The following ESRRG variants were observed in gnomAD, a reference collection of about 807,000 sequenced individuals.
ESRRG encodes the protein estrogen-related receptor gamma.
A neutral mutation model predicts 44.0 loss-of-function variants in ESRRG; 13 were observed. The observed-to-expected ratio is 0.30, with a 90% CI of 0.19 to 0.47. ESRRG has a LOEUF of 0.47. ESRRG is among the 20% of genes least tolerant of loss of function. The pLI is 1.00. For synonymous variants in ESRRG, 215 were observed against 214.6 expected (o/e 1.00, Z -0.02); for missense variants, 395 against 580.6 (o/e 0.68, Z 3.29).
At chr1:216,915,769 G>A (rs956124852) in intron 2 of ESRRG, among the ~76,000 whole-genome samples, 7 of 152,200 alleles carry the variant, frequency 4.6e-5, no homozygotes, top group Non-Finnish European at 1.0e-4. Context: ...ACCCAGGAAT[G>A]TCTATTTCGG....
chr1:216,974,533 T>C (rs2576208), intron 1 of ESRRG, among the ~76,000 whole-genome samples: 35,343 of 152,042 alleles, frequency 0.23, 4,542 homozygotes, highest in East Asian at 0.44. Flanking sequence ...AAACCACATA[T>C]ACATTAGCCT....
intron 2 of ESRRG, among the ~76,000 whole-genome samples, chr1:216,926,412 GA>G (rs35546963): frequency 0.35 from 45,154 of 127,726 alleles, 6,975 homozygotes; most frequent in East Asian, 0.45. Context: ...TAACACCTAT[GA>G]AAAAAAAAAA....
At chr1:216,840,482 G>C (rs2095635051) in intron 2 of ESRRG, among the ~76,000 whole-genome samples, 1 of 151,278 alleles carries the variant, frequency 6.6e-6, no homozygotes. Flanking sequence ...CTTATCATTG[G>C]TGTGTCCACT....
At chr1:216,995,546 C>T (rs147505394) in intron 1 of ESRRG, among the ~76,000 whole-genome samples, 14 of 152,270 alleles carry the variant, frequency 9.2e-5, no homozygotes, top group African/African-American at 3.4e-4. Context: ...CACTTTCTAC[C>T]GCTTCCCTAG....
At chr1:216,660,741 G>T (rs899964752) in intron 2 of ESRRG, among the ~76,000 whole-genome samples, 1 of 152,138 alleles carries the variant, frequency 6.6e-6, no homozygotes, top group Admixed American at 6.5e-5. Context: ...GCTGTTGTCA[G>T]ACTTATGGTG....
chr1:217,026,888 T>TACACACACACACAC (rs71163785), intron 1 of ESRRG, among the ~76,000 whole-genome samples: 2 of 105,328 alleles, frequency 1.9e-5, no homozygotes, highest in Non-Finnish European at 3.8e-5. Flanking sequence ...CACACACACA[T>TACACACACACACAC]ACACACACAC....
intron 1 of ESRRG, among the ~76,000 whole-genome samples, chr1:217,109,927 AG>A (rs1215133010): frequency 6.6e-6 from 1 of 152,162 alleles, no homozygotes; most frequent in African/African-American, 2.4e-5. Context: ...ATATCCTTAA[AG>A]GGTCTTTAAG....
chr1:216,606,895 G>A (rs1303166404), intron 3 of ESRRG, among the ~76,000 whole-genome samples: 2 of 152,106 alleles, frequency 1.3e-5, no homozygotes, highest in Admixed American at 6.6e-5. Context: ...CTACATAACT[G>A]CACAGCACCA....
At chr1:217,112,010 C>T (rs2092667114) in intron 1 of ESRRG, among the ~76,000 whole-genome samples, 1 of 152,128 alleles carries the variant, frequency 6.6e-6, no homozygotes, top group Admixed American at 6.5e-5. Flanking sequence ...TGGAGGTACT[C>T]AGGTTGATAG....
At chr1:217,052,293 G>A (rs2086201670) in intron 1 of ESRRG, among the ~76,000 whole-genome samples, 1 of 152,180 alleles carries the variant, frequency 6.6e-6, no homozygotes, top group Non-Finnish European at 1.5e-5. Flanking sequence ...AATGAACTGA[G>A]ATGATTCAAA....
At chr1:216,626,679 C>T (rs916359732) in intron 3 of ESRRG, among the ~76,000 whole-genome samples, 2 of 152,220 alleles carry the variant, frequency 1.3e-5, no homozygotes, top group African/African-American at 4.8e-5. Flanking sequence ...TACTACCTCC[C>T]CACTCTGTTC....
intron 2 of ESRRG, among the ~76,000 whole-genome samples, chr1:216,901,439 C>A (rs1011716975): frequency 2.6e-5 from 4 of 151,980 alleles, no homozygotes; most frequent in Non-Finnish European, 4.4e-5. Flanking sequence ...GTGATCACAC[C>A]TCATTGCAGC....
At position 217,062,207 on chromosome 1, in the gene ESRRG, C is replaced by T. The variant is rs538748688; in HGVS notation, c.-106+27300G>A. Among the ~76,000 whole-genome samples the T allele has an allele frequency of 3.9e-5, 6 of 152,176 alleles. No homozygotes were observed. In the South Asian group the frequency reaches 6.2e-4, roughly 16 times the overall value. ...ATTTGTATTAATATTTGGAATGTCACGCAGGATGCCGCAGCTGGTTTTGCA... is the reference window on the plus strand; with the variant it reads ...ATTTGTATTAATATTTGGAATGTCATGCAGGATGCCGCAGCTGGTTTTGCA... On this transcript the variant is annotated intron_variant, in intron 1 of 7. Coordinates refer to the ESRRG transcript ENST00000359162.
chr1:216,755,336 C>T (rs2092377926), intron 2 of ESRRG, among the ~76,000 whole-genome samples: 4 of 151,734 alleles, frequency 2.6e-5, no homozygotes, highest in Admixed American at 2.6e-4. Context: ...CATGATTTGC[C>T]TTCATTCCAC....
At chr1:217,107,609 G>A (rs2092613313) in intron 1 of ESRRG, among the ~76,000 whole-genome samples, 1 of 152,074 alleles carries the variant, frequency 6.6e-6, no homozygotes, top group Admixed American at 6.5e-5. Context: ...TGGGTAGTTG[G>A]GACTGAAAGT....
At chr1:216,956,626 A>G (rs1179092949) in intron 1 of ESRRG, among the ~76,000 whole-genome samples, 2 of 152,112 alleles carry the variant, frequency 1.3e-5, no homozygotes, top group Admixed American at 6.6e-5. Flanking sequence ...TTTTAACTTA[A>G]ATTTGAATCT....
intron 2 of ESRRG, among the ~76,000 whole-genome samples, chr1:216,911,311 A>C (rs190363895): frequency 3.6e-4 from 55 of 152,326 alleles, no homozygotes; most frequent in African/African-American, 1.3e-3. Flanking sequence ...CGAACTATCA[A>C]GCCATGAAAA....
At position 216,850,592 on chromosome 1, in the gene ESRRG, TC is replaced by T. The variant is rs1559864253; in HGVS notation, c.-14+88989del. Among the ~76,000 whole-genome samples, 6 of 152,090 alleles carry T rather than the reference TC, an allele frequency of 3.9e-5. No individual in the cohort carries two copies. The South Asian group carries it at 1.2e-3, about 31-fold the overall frequency. ...CTAGTAATTATATAATACACTGTAC[TC>T]CTATCTCCTTTGTTCCAATAATCAA... On this transcript the variant is annotated intron_variant, in intron 2 of 7. Transcript: ENST00000359162.
intron 2 of ESRRG, among the ~76,000 whole-genome samples, chr1:216,835,902 AG>A (rs964035949): frequency 1.3e-5 from 2 of 152,180 alleles, no homozygotes; most frequent in Admixed American, 1.3e-4. Context: ...GATTTATTGA[AG>A]CTTCTACTTT....
Sources: gnomAD v4.1 joint callset for allele counts (sites outside exome capture counted in the v4.1 genomes callset) on GRCh38, gnomAD v4.1.1 for gene constraint, MANE v1.5 for transcripts, NCBI Gene and HGNC (gene_info 2026-07-23, HGNC 2026-07-21) for gene names.